SLC35F4: variants seen among roughly 807,000 people sequenced by gnomAD.
SLC35F4 encodes solute carrier family 35 member F4.
Under a neutral mutation model 44.2 loss-of-function variants are expected in SLC35F4, and 24 were observed. That is an observed-to-expected ratio of 0.54 (90% confidence interval 0.39 to 0.76). The LOEUF (loss-of-function observed/expected upper bound fraction) is 0.76, where lower values mean the gene tolerates loss of function less well. Among genes scored for constraint, SLC35F4 ranks in the 30% least tolerant of loss-of-function variants. SLC35F4 has a pLI of 0.00. For missense variants in SLC35F4, 562 were observed against 586.1 expected (o/e 0.96, Z 0.42); for synonymous variants, 238 against 223.6 (o/e 1.06, Z -0.57).
chr14:57,768,182 T>C (rs1026935213), intron 1 of SLC35F4, among the ~76,000 whole-genome samples: 6 of 152,176 alleles, frequency 3.9e-5, no homozygotes, highest in South Asian at 2.1e-4. Flanking sequence ...TAAGACAATA[T>C]ACAAAAGATG....
chr14:57,933,204 G>A (rs773949883), intron 1 of SLC35F4, among the ~76,000 whole-genome samples: 5 of 151,688 alleles, frequency 3.3e-5, no homozygotes, highest in African/African-American at 2.4e-5. Context: ...GTATTTTTTA[G>A]TAGAGATGGG....
intron 1 of SLC35F4, among the ~76,000 whole-genome samples, chr14:57,887,669 G>A (rs181163898): frequency 3.3e-5 from 5 of 152,218 alleles, no homozygotes; most frequent in Admixed American, 3.3e-4. Flanking sequence ...TGCTGTCAAG[G>A]GAGCTGCTGC....
At chr14:57,943,351 A>G (rs1889950250) in intron 1 of SLC35F4, among the ~76,000 whole-genome samples, 1 of 152,132 alleles carries the variant, frequency 6.6e-6, no homozygotes, top group African/African-American at 2.4e-5. Context: ...TCCTATTTTT[A>G]TGGTGATTTC....
intron 1 of SLC35F4, among the ~76,000 whole-genome samples, chr14:57,676,332 G>A (rs558515347): frequency 3.3e-5 from 5 of 152,094 alleles, no homozygotes; most frequent in South Asian, 4.1e-4. Flanking sequence ...ACACAGGAAC[G>A]GAAAACCAAA....
chr14:57,588,150 G>A (rs908419132), intron 3 of SLC35F4, among the ~76,000 whole-genome samples: 3 of 152,220 alleles, frequency 2.0e-5, no homozygotes, highest in African/African-American at 7.2e-5. Context: ...CTGGGTGACA[G>A]AGCAAGACTC....
intron 1 of SLC35F4, among the ~76,000 whole-genome samples, chr14:57,789,593 T>G (rs766408040): frequency 1.7e-4 from 26 of 152,208 alleles, no homozygotes; most frequent in African/African-American, 6.0e-4. Context: ...ACCATTCCTT[T>G]TGAAACTATT....
intron 1 of SLC35F4, among the ~76,000 whole-genome samples, chr14:57,967,479 A>G (rs191690163): frequency 6.6e-6 from 1 of 152,224 alleles, no homozygotes; most frequent in Non-Finnish European, 1.5e-5. Context: ...ATCATACTGT[A>G]CACAGTCTTC....
At chr14:57,927,263 C>T (rs1238192848) in intron 1 of SLC35F4, among the ~76,000 whole-genome samples, 1 of 152,164 alleles carries the variant, frequency 6.6e-6, no homozygotes, top group Non-Finnish European at 1.5e-5. Context: ...AGGGGTAAGA[C>T]TGTAGTTTTA....
chr14:57,970,767 G>A lies in SLC35F4; in HGVS notation n.282+11146C>T, dbSNP rs77377966. 3.2e-3 allele frequency among the ~76,000 whole-genome samples: 481 copies of A among 152,196 alleles called. 9 individuals are homozygous for A. Among genetic ancestry groups the A allele is most frequent in the Admixed American group, 0.024 (374 of 15,278 alleles). ...CTCTGGGCTCTGCAGCATCCCACTC[G>A]ACCCAGATGTAGACCTTTTGTCCTA... On this transcript the variant is annotated intron_variant and non_coding_transcript_variant, in intron 1 of 1. Coordinates refer to the SLC35F4 transcript ENST00000556568.
chr14:57,839,964 A>G (rs1241014599), intron 1 of SLC35F4, among the ~76,000 whole-genome samples: 1 of 152,178 alleles, frequency 6.6e-6, no homozygotes. Context: ...ACTTCATTCT[A>G]GTCTTCTACA....
At chr14:57,672,072 A>T (rs955863739) in intron 1 of SLC35F4, among the ~76,000 whole-genome samples, 5 of 152,130 alleles carry the variant, frequency 3.3e-5, no homozygotes, top group African/African-American at 1.2e-4. Context: ...GGCTTCAGAC[A>T]TGTGGAGTTT....
Position 57,572,031 on chromosome 14 carries a change from G to A in SLC35F4, c.808-12C>T, listed in dbSNP as rs747084462. 1.7e-5 allele frequency: 28 copies of A among 1,604,914 alleles called. No individual in the cohort carries two copies. Among genetic ancestry groups the A allele is most frequent in the South Asian group, 1.5e-4 (13 of 89,342 alleles). On this transcript the variant is annotated splice_polypyrimidine_tract_variant and intron_variant, in intron 4 of 7. Coordinates refer to ENST00000556826, the MANE Select transcript of SLC35F4 (RefSeq NM_001306087.2). ...ATTGCAGCAACTATCTGTCAAATAGGATGCAAAGAAACAGAAAAGCAATGA... is the reference window on the plus strand; with the variant it reads ...ATTGCAGCAACTATCTGTCAAATAGAATGCAAAGAAACAGAAAAGCAATGA...
chr14:57,698,228 A>C (rs1204242638), intron 1 of SLC35F4, among the ~76,000 whole-genome samples: 2 of 152,166 alleles, frequency 1.3e-5, no homozygotes, highest in African/African-American at 4.8e-5. Context: ...ATTTATTTAG[A>C]TCATACCCTG....
chr14:57,852,299 G>A (rs948554985), intron 1 of SLC35F4, among the ~76,000 whole-genome samples: 13 of 152,288 alleles, frequency 8.5e-5, no homozygotes, highest in African/African-American at 1.9e-4. Flanking sequence ...GGGAGAGCTT[G>A]TTCATCATCT....
intron 1 of SLC35F4, among the ~76,000 whole-genome samples, chr14:57,698,026 T>C (rs1359067611): frequency 6.6e-6 from 1 of 152,200 alleles, no homozygotes; most frequent in Non-Finnish European, 1.5e-5. Context: ...TCTTAAATTG[T>C]TTGTGCTTCA....
At chr14:57,754,467 G>A (rs561149234) in intron 1 of SLC35F4, among the ~76,000 whole-genome samples, 1 of 152,180 alleles carries the variant, frequency 6.6e-6, no homozygotes, top group Admixed American at 6.5e-5. Context: ...CTTCCTGTGA[G>A]GTTTATCACC....
intron 1 of SLC35F4, among the ~76,000 whole-genome samples, chr14:57,915,498 T>C (rs1889309380): frequency 6.6e-6 from 1 of 152,242 alleles, no homozygotes; most frequent in South Asian, 2.1e-4. Flanking sequence ...TAAAATCATC[T>C]ATCTTCTTCA....
intron 1 of SLC35F4, among the ~76,000 whole-genome samples, chr14:57,897,833 G>C (rs1235672877): frequency 6.6e-6 from 1 of 152,154 alleles, no homozygotes; most frequent in African/African-American, 2.4e-5. Context: ...TCTATAAACA[G>C]AGCACAAAAA....
At chr14:57,889,008 C>G (rs1888706637) in intron 1 of SLC35F4, among the ~76,000 whole-genome samples, 2 of 152,190 alleles carry the variant, frequency 1.3e-5, no homozygotes, top group African/African-American at 4.8e-5. Flanking sequence ...CAATGTTCAA[C>G]AAGACAGACA....
Sources: allele counts gnomAD v4.1 joint callset (sites outside exome capture counted in the v4.1 genomes callset), GRCh38; gene constraint gnomAD v4.1.1; transcripts MANE v1.5; gene names NCBI Gene and HGNC (gene_info 2026-07-23, HGNC 2026-07-21).